PCLO: variants seen among roughly 807,000 people sequenced by gnomAD.
PCLO encodes the protein protein piccolo.
A neutral mutation model predicts 427.5 loss-of-function variants in PCLO; 82 were observed. The ratio of observed to expected loss-of-function variants is 0.19; its 90% CI spans 0.16 to 0.23. The LOEUF (loss-of-function observed/expected upper bound fraction) is 0.23. Ranked by LOEUF, PCLO falls within the 10% of genes least tolerant of loss-of-function variation. The pLI, the probability that PCLO is intolerant of heterozygous loss-of-function variation, is 1.00. For missense variants in PCLO, 6,239 were observed against 6,115.9 expected (o/e 1.02, Z -0.67); for synonymous variants, 2,357 against 2,155.4 (o/e 1.09, Z -2.59).
intron 3 of PCLO, among the ~76,000 whole-genome samples, chr7:83,008,581 CA>C (rs67723284): frequency 0.75 from 112,986 of 151,436 alleles, 43,032 homozygotes; most frequent in African/African-American, 0.89. Flanking sequence ...GTCTTTCCAC[CA>C]ATTCAATACC....
chr7:82,847,424 T>C (rs1448614849), intron 10 of PCLO, among the ~76,000 whole-genome samples, 177 bp from the exon 11 acceptor site: 1 of 152,166 alleles, frequency 6.6e-6, no homozygotes, highest in African/African-American at 2.4e-5. Context: ...TTGATCTCAT[T>C]AACTTACCTG....
At chr7:83,072,804 G>C (rs749917936) in intron 3 of PCLO, among the ~76,000 whole-genome samples, 1 of 151,902 alleles carries the variant, frequency 6.6e-6, no homozygotes. Flanking sequence ...TCAAACTAAT[G>C]AATCAGCTCT....
chr7:82,890,922 T>C (rs1482349282), intron 9 of PCLO, among the ~76,000 whole-genome samples: 1 of 152,094 alleles, frequency 6.6e-6, no homozygotes, highest in East Asian at 1.9e-4. Flanking sequence ...TTTATTTTTA[T>C]ATTTTATGTC....
intron 9 of PCLO, among the ~76,000 whole-genome samples, chr7:82,886,971 T>C (rs1393308659): frequency 6.6e-6 from 1 of 152,220 alleles, no homozygotes; most frequent in Non-Finnish European, 1.5e-5. Flanking sequence ...TTTTTGTTTT[T>C]GTGCCAATAT....
chr7:83,071,873 A>G (rs1341566887), intron 3 of PCLO, among the ~76,000 whole-genome samples: 1 of 152,172 alleles, frequency 6.6e-6, no homozygotes, highest in East Asian at 1.9e-4. Flanking sequence ...ATAATTACAT[A>G]TATCTGACTT....
At chr7:82,921,876 C>T (rs983717597) in intron 6 of PCLO, among the ~76,000 whole-genome samples, 4 of 150,866 alleles carry the variant, frequency 2.7e-5, no homozygotes, top group Non-Finnish European at 1.5e-5. Flanking sequence ...CTATAAGGCA[C>T]TTAACAAAAA....
At chr7:82,869,819 C>T (rs1043907318) in intron 10 of PCLO, among the ~76,000 whole-genome samples, 1 of 151,560 alleles carries the variant, frequency 6.6e-6, no homozygotes, top group Non-Finnish European at 1.5e-5. Flanking sequence ...TAATGAAATA[C>T]CTAAGAATAA....
At chr7:83,113,983 T>C (rs1791069000) in intron 3 of PCLO, among the ~76,000 whole-genome samples, 1 of 152,054 alleles carries the variant, frequency 6.6e-6, no homozygotes, top group Non-Finnish European at 1.5e-5. Context: ...AAGAAATATA[T>C]AAGGGGATAC....
At chr7:83,150,850 T>C (rs1013517456) in intron 2 of PCLO, among the ~76,000 whole-genome samples, 2 of 152,174 alleles carry the variant, frequency 1.3e-5, no homozygotes, top group African/African-American at 4.8e-5. Flanking sequence ...CCAAAGGATG[T>C]CCCTATCTTG....
rs10645073 is a variant in PCLO at position 82,832,800 on chromosome 7, TACACACACAC to T, written c.14249+2857_14249+2866del. 3.6e-3 allele frequency among the ~76,000 whole-genome samples: 503 copies of T among 140,678 alleles called. 6 individuals carry two copies. Among genetic ancestry groups the T allele is most frequent in the East Asian group, 7.8e-3 (37 of 4,752 alleles). The allele number at this position is 140,678 out of a possible 152,430, so 92.3% of individuals were successfully genotyped here. ...TCTGGTTTTCCTTTACTAAACTTAC[TACACACACAC>T]ACACACACACACACACACACACACA... On this transcript the variant is annotated intron_variant, in intron 16 of 24. Coordinates refer to ENST00000333891, the MANE Select transcript of PCLO (RefSeq NM_033026.6).
chr7:83,072,471 T>A (rs1562950233), intron 3 of PCLO, among the ~76,000 whole-genome samples: 1 of 152,174 alleles, frequency 6.6e-6, no homozygotes, highest in East Asian at 1.9e-4. Context: ...TTTACCACAC[T>A]CGTCACCAAA....
chr7:82,781,987 CAT>C (rs1244022041), intron 22 of PCLO, among the ~76,000 whole-genome samples: 1 of 152,162 alleles, frequency 6.6e-6, no homozygotes, highest in Admixed American at 6.5e-5. Flanking sequence ...AACCTGTAAA[CAT>C]AAGGTTTCCC....
intron 24 of PCLO, among the ~76,000 whole-genome samples, chr7:82,760,106 A>C (rs1425341470): frequency 1.3e-5 from 2 of 152,034 alleles, no homozygotes; most frequent in Non-Finnish European, 2.9e-5. Context: ...ACTTGAAAAC[A>C]GTCTGTTGTG....
intron 6 of PCLO, among the ~76,000 whole-genome samples, chr7:82,924,128 T>C (rs926882146): frequency 6.6e-6 from 1 of 152,100 alleles, no homozygotes; most frequent in Non-Finnish European, 1.5e-5. Context: ...TTTATCATAG[T>C]GCCTTACTCT....
At chr7:82,856,209 C>T (rs1792801350) in intron 10 of PCLO, among the ~76,000 whole-genome samples, 1 of 152,166 alleles carries the variant, frequency 6.6e-6, no homozygotes, top group Admixed American at 6.6e-5. Flanking sequence ...AATTTCCTAC[C>T]AACAGATGAA....
At chr7:82,946,618 G>T (rs563431081) in intron 6 of PCLO, among the ~76,000 whole-genome samples, 2 of 152,220 alleles carry the variant, frequency 1.3e-5, no homozygotes, top group Non-Finnish European at 2.9e-5. Context: ...TGCCCTGGGT[G>T]GGGGCAAGGT....
At chr7:83,012,956 C>T (rs79231720) in intron 3 of PCLO, among the ~76,000 whole-genome samples, 1,840 of 152,190 alleles carry the variant, frequency 0.012, 34 homozygotes, top group African/African-American at 0.042. Context: ...CACAACTTCC[C>T]TATGCTGCCA....
chr7:82,915,876 T>C lies in PCLO; in HGVS notation c.12110A>G (p.Asp4037Gly). The change falls in exon 7 of 25, where the codon GAT becomes GGT. Residue 4037 changes from aspartate to glycine, a missense_variant. Physicochemically the swap from Asp to Gly is moderately conservative, Grantham distance 94 (BLOSUM62 -1). Around this residue, in one of 5 missense-constraint regions of PCLO, gnomAD observed 680 missense variants for 677.3 expected, o/e 1.00. Coordinates refer to ENST00000333891, the MANE Select transcript of PCLO (RefSeq NM_033026.6). ...ATTTCGTGGAGTATGGTGATCAATA[T>C]CTGCATAGAAAGAATCTGCAGATAT... ...SSISADSFYADIDHHTPRNYV... is the reference protein window; with the variant it reads ...SSISADSFYAGIDHHTPRNYV... The C allele has an allele frequency of 1.2e-6, 2 of 1,613,648 alleles. No individual in the cohort carries two copies. Among genetic ancestry groups the C allele is most frequent in the African/African-American group, 1.3e-5 (1 of 75,050 alleles).
At position 82,768,839 on chromosome 7, in the gene PCLO, A is replaced by G. The variant is rs540453859; in HGVS notation, c.15008-7346T>C. ...TGAAAAATATGTGTATGTGATATCTATATGCATACATTTGTACACATACCT... is the reference window on the plus strand; with the variant it reads ...TGAAAAATATGTGTATGTGATATCTGTATGCATACATTTGTACACATACCT... On this transcript the variant is annotated intron_variant, in intron 22 of 24. Coordinates refer to ENST00000333891, the MANE Select transcript of PCLO (RefSeq NM_033026.6). 1.6e-4 allele frequency among the ~76,000 whole-genome samples: 24 copies of G among 152,240 alleles called. 1 individual carries two copies. The highest frequency in any genetic ancestry group is 5.3e-4 in the African/African-American group (22 of 41,562).
Sources: gnomAD v4.1 joint callset for allele counts (sites outside exome capture counted in the v4.1 genomes callset) on GRCh38, gnomAD v4.1.1 for gene constraint, gnomAD v4.1.1 regional missense constraint, MANE v1.5 for transcripts, NCBI Gene and HGNC (gene_info 2026-07-23, HGNC 2026-07-21) for gene names.